Variants in UBLCP1 observed in about 807,000 individuals in gnomAD.
UBLCP1 encodes the protein ubiquitin like domain containing CTD phosphatase 1, also known as ubiquitin-like domain-containing CTD phosphatase 1.
Under a neutral mutation model 42.4 loss-of-function variants are expected in UBLCP1, and 28 were observed. That is an observed-to-expected ratio of 0.66 (90% CI 0.49 to 0.90). UBLCP1 has a LOEUF of 0.90. Among genes scored for constraint, UBLCP1 ranks in the 40% least tolerant of loss-of-function variants. UBLCP1 has a pLI of 0.00. For missense variants in UBLCP1, 279 were observed against 374.5 expected (o/e 0.75, Z 2.10); for synonymous variants, 122 against 120.8 (o/e 1.01, Z -0.07).
At chr5:159,274,667 A>G in intron 7 of UBLCP1, 45 bp downstream of exon 7, 12 of 1,549,934 alleles carry the variant, frequency 7.7e-6, no homozygotes, top group Non-Finnish European at 1.1e-5. Flanking sequence ...TTCAAACTGC[A>G]TTTGTCTTGT....
chr5:159,278,283 A>G lies in UBLCP1; in HGVS notation c.730A>G (p.Ser244Gly). The G allele has an allele frequency of 1.2e-6, 2 of 1,613,998 alleles. No homozygotes were observed. Among genetic ancestry groups the G allele is most frequent in the South Asian group, 1.1e-5 (1 of 91,076 alleles). ...ATGGGGAAAGTTTTCGGAGTTTTAC[A>G]GCAAGAAAAACACCATTATGTTTGA... ...VIWGKFSEFY[S>G]KKNTIMFDDI... is the part of the protein sequence containing the mutation. The change falls in exon 9 of 11, where the codon AGC (serine) becomes GGC (glycine). Residue 244 changes from serine to glycine, a missense_variant. Coordinates refer to ENST00000296786, the MANE Select transcript of UBLCP1 (RefSeq NM_145049.5).
chr5:159,270,708 G>GT (rs372342661), intron 5 of UBLCP1, 65 bp downstream of exon 5: 105,400 of 745,852 alleles, frequency 0.14, no homozygotes, highest in East Asian at 0.2. Flanking sequence ...TCTTTTCTTT[G>GT]TTTTTTTTTT....
At chr5:159,277,502 A>T (rs764271708) in intron 8 of UBLCP1, among the ~76,000 whole-genome samples, 1 of 152,188 alleles carries the variant, frequency 6.6e-6, no homozygotes, top group Non-Finnish European at 1.5e-5. Context: ...CATTTGCATG[A>T]CTAAAAAAAT....
chr5:159,284,298 C>A (rs1753644007), intron 10 of UBLCP1, among the ~76,000 whole-genome samples: 1 of 152,102 alleles, frequency 6.6e-6, no homozygotes, highest in African/African-American at 2.4e-5. Context: ...TTTCCCCATC[C>A]CCACACCACC....
intron 10 of UBLCP1, among the ~76,000 whole-genome samples, chr5:159,283,818 T>C (rs372930207): frequency 2.4e-4 from 36 of 152,166 alleles, no homozygotes; most frequent in African/African-American, 8.4e-4. Flanking sequence ...CTCATAATTT[T>C]CCTTTTTAAA....
rs1285181463 is a variant in UBLCP1, at chr5:159,263,309, C to G, written c.-98C>G. The G allele has an allele frequency of 6.6e-6, 1 of 152,390 alleles. No homozygotes were observed. The highest frequency in any genetic ancestry group is 1.5e-5 in the Non-Finnish European group (1 of 68,060). 9.4% of individuals were successfully genotyped at this position (152,390 alleles called of 1,614,324 possible). On this transcript the variant is annotated 5_prime_UTR_variant, in exon 1 of 11. Coordinates refer to ENST00000296786, the MANE Select transcript of UBLCP1 (RefSeq NM_145049.5). ...CCCTTCACTTCCGGTCGCTTTCGGT[C>G]TCTCAGCGGCCGGTTTCTGCGTCCG...
chr5:159,267,092 C>G (rs4921442), intron 1 of UBLCP1, among the ~76,000 whole-genome samples: 41,905 of 151,976 alleles, frequency 0.28, 6,445 homozygotes, highest in East Asian at 0.46. Flanking sequence ...CCCAGAATGG[C>G]AGATCTGACA....
intron 9 of UBLCP1, among the ~76,000 whole-genome samples, chr5:159,280,349 C>T (rs1321460690): frequency 1.3e-5 from 2 of 152,190 alleles, no homozygotes; most frequent in African/African-American, 4.8e-5. Flanking sequence ...GTCACCCAGG[C>T]TGGAGTGCAG....
chr5:159,263,540 TC>T (rs1352651300), intron 1 of UBLCP1, among the ~76,000 whole-genome samples, 180 bp downstream of exon 1: 2 of 152,198 alleles, frequency 1.3e-5, no homozygotes, highest in Admixed American at 1.3e-4. Context: ...GCCGCTGTCC[TC>T]CCATCCAGCA....
chr5:159,279,061 G>T (rs149493747), intron 9 of UBLCP1, among the ~76,000 whole-genome samples: 1 of 152,168 alleles, frequency 6.6e-6, no homozygotes, highest in South Asian at 2.1e-4. Flanking sequence ...AACTAAAGAC[G>T]TTTTTGAAAA....
Position 159,278,265 on chromosome 5 carries a change from A to G in UBLCP1, c.712A>G (p.Lys238Glu). Residue 238 changes from lysine (K) to glutamate (E), a missense_variant, in exon 9 of 11, where the codon AAG becomes GAG. Lys to Glu is a moderately conservative substitution (Grantham distance 56, BLOSUM62 1). Transcript: ENST00000296786. ...AAAGCCTCTTGGTGTTATATGGGGAAAGTTTTCGGAGTTTTACAGCAAGAA... is the reference window on the plus strand; with the variant it reads ...AAAGCCTCTTGGTGTTATATGGGGAGAGTTTTCGGAGTTTTACAGCAAGAA... ...DVKPLGVIWG[K>E]FSEFYSKKNT... 1 of 1,613,686 alleles carries G rather than the reference A, an allele frequency of 6.2e-7. No individual in the cohort carries two copies. The highest frequency in any genetic ancestry group is 8.5e-7 in the Non-Finnish European group (1 of 1,179,712).
rs70987962 is a variant in UBLCP1, at chr5:159,285,196, CCACACACACACACACACACA to C, written c.*294_*313del. ...GGTTACTGACCACCCCACCCTCCCA[CCACACACACACACACACACA>C]CACACACACACACACACACACACAC... On this transcript the variant is annotated 3_prime_UTR_variant, in exon 11 of 11. Coordinates refer to ENST00000296786, the MANE Select transcript of UBLCP1 (RefSeq NM_145049.5). 6.7e-5 allele frequency: 17 copies of C among 251,988 alleles called. No homozygotes were observed. Among genetic ancestry groups the C allele is most frequent in the African/African-American group, 1.3e-4 (4 of 30,748 alleles). 15.6% of individuals were successfully genotyped at this position (251,988 alleles called of 1,614,324 possible).
intron 8 of UBLCP1, among the ~76,000 whole-genome samples, chr5:159,277,592 G>A (rs148089789): frequency 3.3e-5 from 5 of 152,242 alleles, no homozygotes; most frequent in African/African-American, 1.2e-4. Flanking sequence ...GTCTTACAGA[G>A]ACTTTACACA....
chr5:159,283,760 A>T (rs10042630), intron 10 of UBLCP1, among the ~76,000 whole-genome samples: 130,528 of 152,084 alleles, frequency 0.86, 56,128 homozygotes, highest in East Asian at 1. Flanking sequence ...CAGTAACTTG[A>T]GTGTAGCAGA....
At chr5:159,283,635 G>A (rs1753633326) in intron 10 of UBLCP1, among the ~76,000 whole-genome samples, 1 of 151,986 alleles carries the variant, frequency 6.6e-6, no homozygotes, top group Non-Finnish European at 1.5e-5. Context: ...GTGATGTTAG[G>A]TAAGCTACTC....
At chr5:159,273,434 C>G (rs934165338) in intron 6 of UBLCP1, among the ~76,000 whole-genome samples, 2 of 152,142 alleles carry the variant, frequency 1.3e-5, no homozygotes, top group Admixed American at 6.5e-5. Flanking sequence ...TCTGTTCTTA[C>G]TGTGTGACAC....
chr5:159,268,074 A>G (rs901676523), intron 1 of UBLCP1, among the ~76,000 whole-genome samples: 15 of 152,222 alleles, frequency 9.9e-5, no homozygotes, highest in African/African-American at 3.6e-4. Context: ...GTCTATGTAC[A>G]GATTGTATAG....
chr5:159,285,167 C>T lies in UBLCP1; in HGVS notation c.*236C>T, dbSNP rs913855351. ...TACGCTTGAAAAATATTTTCTCCAGCGTTGGTTACTGACCACCCCACCCTC... is the reference window on the plus strand; with the variant it reads ...TACGCTTGAAAAATATTTTCTCCAGTGTTGGTTACTGACCACCCCACCCTC... On this transcript the variant is annotated 3_prime_UTR_variant, in exon 11 of 11. Coordinates refer to ENST00000296786, the MANE Select transcript of UBLCP1 (RefSeq NM_145049.5). 5.3e-5 allele frequency: 20 copies of T among 379,280 alleles called. No homozygotes were observed. Among genetic ancestry groups the T allele is most frequent in the African/African-American group, 2.1e-4 (10 of 47,044 alleles). 23.5% of individuals were successfully genotyped at this position (379,280 alleles called of 1,614,324 possible).
chr5:159,267,859 C>T (rs1024961448), intron 1 of UBLCP1, among the ~76,000 whole-genome samples: 2 of 152,194 alleles, frequency 1.3e-5, no homozygotes, highest in Non-Finnish European at 2.9e-5. Flanking sequence ...ATTCTGAGGC[C>T]TCCCCAGCCA....
Sources: gnomAD v4.1 joint callset for allele counts (sites outside exome capture counted in the v4.1 genomes callset) on GRCh38, gnomAD v4.1.1 for gene constraint, MANE v1.5 for transcripts, NCBI Gene and HGNC (gene_info 2026-07-23, HGNC 2026-07-21) for gene names.